CDKAL1: variants seen among roughly 807,000 people sequenced by gnomAD.
CDKAL1 encodes the protein CDKAL1 threonylcarbamoyladenosine tRNA methylthiotransferase.
CDKAL1 carries 32 observed loss-of-function variants against 68.2 expected under a neutral mutation model. The observed-to-expected ratio is 0.47, with a 90% CI of 0.35 to 0.63. The LOEUF is 0.63. Among genes scored for constraint, CDKAL1 ranks in the 30% least tolerant of loss-of-function variants. The pLI is 0.00. For synonymous variants in CDKAL1, 234 were observed against 244.3 expected (o/e 0.96, Z 0.39); for missense variants, 606 against 696.7 (o/e 0.87, Z 1.47).
chr6:21,193,949 T>C (rs1778363425), intron 13 of CDKAL1, among the ~76,000 whole-genome samples: 1 of 152,222 alleles, frequency 6.6e-6, no homozygotes. Flanking sequence ...ATTTGGCTCA[T>C]GATTCTGGAG....
chr6:20,755,375 C>G (rs1445003056), intron 6 of CDKAL1, among the ~76,000 whole-genome samples: 2 of 152,164 alleles, frequency 1.3e-5, no homozygotes, highest in Non-Finnish European at 2.9e-5. Context: ...TTCAGAAATA[C>G]TAAATGCCTG....
At chr6:20,899,889 C>G (rs9368254) in intron 9 of CDKAL1, among the ~76,000 whole-genome samples, 1 of 152,202 alleles carries the variant, frequency 6.6e-6, no homozygotes, top group African/African-American at 2.4e-5. Flanking sequence ...TGTGAAGTTG[C>G]TACTATTATC....
intron 4 of CDKAL1, among the ~76,000 whole-genome samples, chr6:20,620,200 C>A (rs1169017208): frequency 6.6e-6 from 1 of 152,170 alleles, no homozygotes; most frequent in Non-Finnish European, 1.5e-5. Flanking sequence ...AAAGAAAAGT[C>A]ACCTTAATCT....
At chr6:20,916,762 G>A (rs1762740305) in intron 9 of CDKAL1, among the ~76,000 whole-genome samples, 1 of 152,142 alleles carries the variant, frequency 6.6e-6, no homozygotes, top group African/African-American at 2.4e-5. Context: ...CTATCACTAA[G>A]CATCTGATTG....
At chr6:21,005,718 G>A (rs750096459) in intron 11 of CDKAL1, among the ~76,000 whole-genome samples, 1 of 152,126 alleles carries the variant, frequency 6.6e-6, no homozygotes, top group African/African-American at 2.4e-5. Flanking sequence ...AAGGTACTGT[G>A]CACTTCAGGG....
At chr6:20,567,885 T>TC (rs1764523509) in intron 4 of CDKAL1, among the ~76,000 whole-genome samples, 1 of 151,942 alleles carries the variant, frequency 6.6e-6, no homozygotes, top group East Asian at 1.9e-4. Flanking sequence ...AGCAAATTTT[T>TC]TTTTTTTTGA....
At chr6:20,773,184 G>T (rs1775018336) in intron 7 of CDKAL1, 1 of 152,164 alleles carries the variant, frequency 6.6e-6, no homozygotes, top group South Asian at 2.1e-4. Context: ...TGACAAAGCT[G>T]CTTCTTCCAT....
At chr6:21,059,359 T>C (rs1317277824) in intron 11 of CDKAL1, among the ~76,000 whole-genome samples, 1 of 152,220 alleles carries the variant, frequency 6.6e-6, no homozygotes, top group African/African-American at 2.4e-5. Context: ...TCCAGCTTGC[T>C]GCTGCTGGCT....
In CDKAL1 at chr6:20,962,437, G is replaced by A. The variant is rs1025302130; in HGVS notation, c.909+6852G>A. On this transcript the variant is annotated intron_variant, in intron 10 of 15. Transcript: ENST00000274695. ...TGACCTTATATTCTAACCTAATTCT[G>A]TATTTAGTGAAATAAATTCATCTGC... Among the ~76,000 whole-genome samples the A allele has an allele frequency of 3.9e-5, 6 of 152,040 alleles. 1 individual carries two copies. The highest frequency in any genetic ancestry group is 4.1e-4 in the South Asian group (2 of 4,830).
At position 21,176,682 on chromosome 6, in the gene CDKAL1, G is replaced by GTTTTTTTT. The variant is rs777506511; in HGVS notation, c.1300-21333_1300-21326dup. On this transcript the variant is annotated intron_variant, in intron 13 of 15. Coordinates refer to ENST00000274695, the MANE Select transcript of CDKAL1 (RefSeq NM_017774.3). ...GAATGTCTTCATGGGCTGGATGTTG[G>GTTTTTTTT]TTTTTTTTTTTTTGTTTTTTTTTTT... Among the ~76,000 whole-genome samples, 26 of 119,870 alleles carry GTTTTTTTT rather than the reference G, an allele frequency of 2.2e-4. 2 individuals carry two copies. Among genetic ancestry groups the GTTTTTTTT allele is most frequent in the African/African-American group, 5.6e-4 (17 of 30,200 alleles). The allele number at this position is 119,870 out of a possible 152,430, so 78.6% of individuals were successfully genotyped here.
chr6:20,674,305 T>G (rs1365467963), intron 5 of CDKAL1, among the ~76,000 whole-genome samples: 26 of 152,238 alleles, frequency 1.7e-4, no homozygotes, highest in Admixed American at 1.5e-3. Context: ...AGATAGTGGA[T>G]AATCTTGGCT....
chr6:20,777,145 G>A (rs1775205850), intron 7 of CDKAL1, among the ~76,000 whole-genome samples: 1 of 152,176 alleles, frequency 6.6e-6, no homozygotes, highest in Admixed American at 6.5e-5. Context: ...TTAACCAGAA[G>A]TTGTTTCTTC....
intron 5 of CDKAL1, among the ~76,000 whole-genome samples, chr6:20,687,400 T>C (rs956776151): frequency 3.9e-5 from 6 of 152,246 alleles, no homozygotes; most frequent in Admixed American, 3.9e-4. Flanking sequence ...ATGAGTTTTG[T>C]AGATTGTTTT....
Position 20,557,282 on chromosome 6 carries a change from T to C in CDKAL1, c.286+8577T>C, listed in dbSNP as rs534425146. ...CCAAAGATGATGTCTGTTGTTAATA[T>C]CTTAAGGTTCTGAAGTCTACCTGGA... On this transcript the variant is annotated intron_variant, in intron 4 of 15. Coordinates refer to ENST00000274695, the MANE Select transcript of CDKAL1 (RefSeq NM_017774.3). Among the ~76,000 whole-genome samples the C allele has an allele frequency of 1.3e-3, 198 of 152,110 alleles. 2 individuals are homozygous for C. The highest frequency in any genetic ancestry group is 2.4e-3 in the Admixed American group (37 of 15,264).
At chr6:20,994,731 TA>T (rs924857030) in intron 10 of CDKAL1, among the ~76,000 whole-genome samples, 2 of 152,214 alleles carry the variant, frequency 1.3e-5, no homozygotes, top group Non-Finnish European at 2.9e-5. Flanking sequence ...GTCTAGTAAG[TA>T]TACAATAGCG....
intron 10 of CDKAL1, among the ~76,000 whole-genome samples, chr6:20,980,447 C>G (rs1440327424): frequency 6.6e-6 from 1 of 152,050 alleles, no homozygotes; most frequent in South Asian, 2.1e-4. Flanking sequence ...CCGTGTTAGC[C>G]AGGATGGTTT....
At chr6:21,027,925 C>G (rs1206087504) in intron 11 of CDKAL1, among the ~76,000 whole-genome samples, 1 of 152,072 alleles carries the variant, frequency 6.6e-6, no homozygotes, top group African/African-American at 2.4e-5. Flanking sequence ...CAGCCAAAAG[C>G]TTTGGCCCAG....
chr6:20,900,484 C>T (rs1487714654), intron 9 of CDKAL1, among the ~76,000 whole-genome samples: 2 of 152,306 alleles, frequency 1.3e-5, no homozygotes, highest in East Asian at 1.9e-4. Context: ...AATAACAGCA[C>T]CAGCATCGTA....
At chr6:20,916,634 A>T (rs1475833950) in intron 9 of CDKAL1, among the ~76,000 whole-genome samples, 1 of 152,192 alleles carries the variant, frequency 6.6e-6, no homozygotes, top group Non-Finnish European at 1.5e-5. Flanking sequence ...AAGGCATTTG[A>T]AAACTTACCT....
Sources: gnomAD v4.1 joint callset for allele counts (sites outside exome capture counted in the v4.1 genomes callset) on GRCh38, gnomAD v4.1.1 for gene constraint, MANE v1.5 for transcripts, NCBI Gene and HGNC (gene_info 2026-07-23, HGNC 2026-07-21) for gene names.